The following POFUT1 variants were observed in gnomAD, a reference collection of about 807,000 sequenced individuals.
POFUT1 encodes GDP-fucose protein O-fucosyltransferase 1.
A neutral mutation model predicts 42.4 loss-of-function variants in POFUT1; 16 were observed. The ratio of observed to expected loss-of-function variants is 0.38; its 90% CI spans 0.26 to 0.57. POFUT1 has a LOEUF of 0.57. POFUT1 is among the 20% of genes least tolerant of loss of function. POFUT1 has a pLI of 0.71. For synonymous variants in POFUT1, 206 were observed against 205.4 expected (o/e 1.00, Z -0.03); for missense variants, 470 against 504.6 (o/e 0.93, Z 0.66).
chr20:32,231,212 C>G (rs977516721), intron 6 of POFUT1, 151 bp downstream of exon 6: 1 of 805,338 alleles, frequency 1.2e-6, no homozygotes, highest in Non-Finnish European at 2.0e-6. Flanking sequence ...CCTTCAAACC[C>G]CAGCTCAGAG....
intron 5 of POFUT1, among the ~76,000 whole-genome samples, chr20:32,229,262 A>C (rs1357316574): frequency 6.6e-6 from 1 of 152,252 alleles, no homozygotes; most frequent in Non-Finnish European, 1.5e-5. Context: ...AGGTCAGCTC[A>C]GAAAATTATA....
chr20:32,233,581 G>T (rs1456306312), intron 6 of POFUT1, among the ~76,000 whole-genome samples: 7 of 152,204 alleles, frequency 4.6e-5, no homozygotes, highest in Non-Finnish European at 1.0e-4. Flanking sequence ...GTTTCTTCTG[G>T]CTGCTCTGTG....
In POFUT1 at chr20:32,215,252, T is replaced by G; in HGVS notation, c.247-17T>G. The G allele has an allele frequency of 6.3e-7, 1 of 1,597,984 alleles. No homozygotes were observed. Among genetic ancestry groups the G allele is most frequent in the Non-Finnish European group, 8.6e-7 (1 of 1,166,678 alleles). On this transcript the variant is annotated splice_polypyrimidine_tract_variant and intron_variant, in intron 2 of 6. Coordinates refer to ENST00000375749, the MANE Select transcript of POFUT1 (RefSeq NM_015352.2). Reference sequence around the variant, plus strand: ...GGGGGCACTGAGACGGGACCTCTGCTCCTCCTTTTCCTGTAGCTCCATGTG... The same window carrying G: ...GGGGGCACTGAGACGGGACCTCTGCGCCTCCTTTTCCTGTAGCTCCATGTG...
chr20:32,209,150 A>G (rs918054541), intron 1 of POFUT1, among the ~76,000 whole-genome samples: 1 of 152,074 alleles, frequency 6.6e-6, no homozygotes, highest in Admixed American at 6.6e-5. Context: ...CGTTCCTCAC[A>G]CATGCTCAGG....
Position 32,207,975 on chromosome 20 carries a change from G to A in POFUT1, c.34G>A (p.Val12Met). 6.3e-7 allele frequency: 1 copy of A among 1,593,510 alleles called. No individual in the cohort carries two copies. Among genetic ancestry groups the A allele is most frequent in the South Asian group, 1.1e-5 (1 of 89,486 alleles). The stretch of plus-strand genomic sequence containing the variant: ...CGCCGCGTGGGCACGGCCGCTGAGC[G>A]TGTCTTTCCTGCTGCTGCTTCTGCC... ...GAAAWARPLS[V>M]SFLLLLLPLP... The change falls in exon 1 of 7, where the codon GTG becomes ATG. Residue 12 changes from valine to methionine, a missense_variant. Physicochemically the swap from Val to Met is conservative, Grantham distance 21. Coordinates refer to ENST00000375749, the MANE Select transcript of POFUT1 (RefSeq NM_015352.2).
At chr20:32,210,459 A>G (rs1229173029) in intron 2 of POFUT1, among the ~76,000 whole-genome samples, 4 of 152,230 alleles carry the variant, frequency 2.6e-5, no homozygotes, top group Admixed American at 2.0e-4. Context: ...AACTTGCCCA[A>G]GATCACACAG....
At chr20:32,219,566 G>A (rs184429886) in intron 4 of POFUT1, among the ~76,000 whole-genome samples, 97 of 147,502 alleles carry the variant, frequency 6.6e-4, no homozygotes, top group African/African-American at 2.4e-3. Context: ...CTGGAGTCTC[G>A]GCTCACTGCC....
At chr20:32,224,662 T>G (rs1439584432) in intron 4 of POFUT1, among the ~76,000 whole-genome samples, 1 of 152,118 alleles carries the variant, frequency 6.6e-6, no homozygotes, top group Non-Finnish European at 1.5e-5. Flanking sequence ...GAGGTGAGGC[T>G]TGGGAATTGC....
intron 4 of POFUT1, chr20:32,217,110 G>A: frequency 1.2e-6 from 2 of 1,601,606 alleles, no homozygotes; most frequent in Non-Finnish European, 1.7e-6. Context: ...ACGTCATCCT[G>A]ATAATTATTG....
chr20:32,224,641 C>A (rs1185882846), intron 4 of POFUT1, among the ~76,000 whole-genome samples: 1 of 152,120 alleles, frequency 6.6e-6, no homozygotes, highest in Admixed American at 6.5e-5. Flanking sequence ...GGACAGGGAA[C>A]ACTCCCTAAG....
chr20:32,231,212 C>T, intron 6 of POFUT1, 151 bp downstream of exon 6: 1 of 805,338 alleles, frequency 1.2e-6, no homozygotes, highest in South Asian at 1.7e-5. Flanking sequence ...CCTTCAAACC[C>T]CAGCTCAGAG....
chr20:32,229,952 A>AT (rs949276738), intron 5 of POFUT1, among the ~76,000 whole-genome samples: 3 of 152,026 alleles, frequency 2.0e-5, no homozygotes, highest in African/African-American at 7.2e-5. Flanking sequence ...TAATTTTTGT[A>AT]TTTTTTGTAG....
intron 4 of POFUT1, among the ~76,000 whole-genome samples, chr20:32,224,121 G>A (rs1010994551): frequency 6.6e-6 from 1 of 152,216 alleles, no homozygotes; most frequent in Non-Finnish European, 1.5e-5. Context: ...GCCAGGCGCG[G>A]TGGCTCACGC....
chr20:32,216,813 A>T (rs1047352079), intron 4 of POFUT1, 92 bp downstream of exon 4: 3 of 1,370,554 alleles, frequency 2.2e-6, no homozygotes, highest in Non-Finnish European at 3.1e-6. Flanking sequence ...CATCTTCCCA[A>T]CTCTGATGTA....
chr20:32,223,904 A>T (rs2047402206), intron 4 of POFUT1, among the ~76,000 whole-genome samples: 1 of 152,176 alleles, frequency 6.6e-6, no homozygotes, highest in Non-Finnish European at 1.5e-5. Flanking sequence ...ACCAATTCCT[A>T]GCTGTGCAAC....
In POFUT1 at chr20:32,230,997, C is replaced by G. The variant is rs576049320; in HGVS notation, c.914C>G (p.Ser305Trp). The G allele has an allele frequency of 1.2e-6, 2 of 1,614,152 alleles. No homozygotes were observed. The highest frequency in any genetic ancestry group is 2.2e-5 in the East Asian group (1 of 44,880). ...KLWVRSLDAQSVYVATDSESY... is the reference protein window; with the variant it reads ...KLWVRSLDAQWVYVATDSESY... ...TGGGTGAGGTCGCTGGATGCCCAGT[C>G]GGTCTACGTTGCTACTGATTCCGAG... The change falls in exon 6 of 7, where the codon TCG (serine) becomes TGG (tryptophan). Residue 305 changes from serine to tryptophan, a missense_variant. Transcript: ENST00000375749.
At chr20:32,232,881 C>A (rs2047450209) in intron 6 of POFUT1, among the ~76,000 whole-genome samples, 1 of 152,166 alleles carries the variant, frequency 6.6e-6, no homozygotes, top group African/African-American at 2.4e-5. Flanking sequence ...TGAACTAAGC[C>A]TTCCTCCTCC....
In POFUT1 at chr20:32,238,542, A is replaced by C. The variant is rs2047485073; in HGVS notation, c.*3881A>C. Reference sequence around the variant, plus strand: ...AAGCAAAAAAAAAAAGTTGTTTAAGATAAATTCCCAGAAGTGAATTTGTTA... The same window carrying C: ...AAGCAAAAAAAAAAAGTTGTTTAAGCTAAATTCCCAGAAGTGAATTTGTTA... On this transcript the variant is annotated 3_prime_UTR_variant, in exon 7 of 7. Coordinates refer to ENST00000375749, the MANE Select transcript of POFUT1 (RefSeq NM_015352.2). 2 of 152,188 alleles carry C rather than the reference A, an allele frequency of 1.3e-5. No homozygotes were observed. Among genetic ancestry groups the C allele is most frequent in the Admixed American group, 1.3e-4 (2 of 15,274 alleles). The allele number at this position is 152,188 out of a possible 1,614,324, so 9.4% of individuals were successfully genotyped here.
intron 4 of POFUT1, among the ~76,000 whole-genome samples, chr20:32,220,548 C>T (rs2047386425): frequency 6.6e-6 from 1 of 152,122 alleles, no homozygotes; most frequent in Non-Finnish European, 1.5e-5. Flanking sequence ...TCAAGACCAG[C>T]CTGGCCAACA....
Sources: gnomAD v4.1 joint callset for allele counts (sites outside exome capture counted in the v4.1 genomes callset) on GRCh38, gnomAD v4.1.1 for gene constraint, MANE v1.5 for transcripts, NCBI Gene and HGNC (gene_info 2026-07-23, HGNC 2026-07-21) for gene names.